KALRN: variants seen among roughly 807,000 people sequenced by gnomAD.
KALRN encodes the protein kalirin RhoGEF kinase, also known as kalirin.
A neutral mutation model predicts 353.7 loss-of-function variants in KALRN; 70 were observed. The ratio of observed to expected loss-of-function variants is 0.20; its 90% confidence interval spans 0.16 to 0.24. KALRN has a LOEUF of 0.24. Ranked by LOEUF, KALRN falls within the 10% of genes least tolerant of loss-of-function variation. The pLI, the probability that KALRN is intolerant of heterozygous loss-of-function variation, is 1.00. For synonymous variants in KALRN, 1,391 were observed against 1,434.8 expected, an observed-to-expected ratio of 0.97 and a Z score of 0.69; for missense variants, 2,791 against 3,756.7, an observed-to-expected ratio of 0.74 and a Z score of 6.72.
At chr3:124,279,308 T>G (rs1276849024) in intron 5 of KALRN, among the ~76,000 whole-genome samples, 1 of 152,210 alleles carries the variant, frequency 6.6e-6, no homozygotes, top group Non-Finnish European at 1.5e-5. Flanking sequence ...GATTATTGTA[T>G]GAGTTAAAGA....
At chr3:124,495,440 T>C (rs2108515142) in intron 32 of KALRN, among the ~76,000 whole-genome samples, 1 of 152,048 alleles carries the variant, frequency 6.6e-6, no homozygotes, top group Middle Eastern at 3.4e-3. Flanking sequence ...AAACTCAAGT[T>C]TAAAAGAAAT....
At chr3:124,418,242 T>C (rs1487893272) in intron 14 of KALRN, among the ~76,000 whole-genome samples, 2 of 152,150 alleles carry the variant, frequency 1.3e-5, no homozygotes, top group Non-Finnish European at 2.9e-5. Flanking sequence ...GAAACCTTGA[T>C]GTAGAACAAT....
chr3:124,159,322 G>T (rs1326577219), intron 1 of KALRN, among the ~76,000 whole-genome samples: 1 of 152,162 alleles, frequency 6.6e-6, no homozygotes, highest in Non-Finnish European at 1.5e-5. Flanking sequence ...TCAAGCTGGA[G>T]TGCAGTGGTG....
At chr3:124,468,345 G>C (rs186299022) in intron 25 of KALRN, among the ~76,000 whole-genome samples, 26 of 152,194 alleles carry the variant, frequency 1.7e-4, no homozygotes, top group Admixed American at 9.2e-4. Flanking sequence ...GAAACACAAG[G>C]GGGGGGTTGA....
intron 33 of KALRN, chr3:124,519,586 A>G (rs2066991651): frequency 1.0e-6 from 1 of 985,400 alleles, no homozygotes; most frequent in South Asian, 4.7e-5. Flanking sequence ...GGATCCTTAA[A>G]AAAGTTTACA....
chr3:124,571,459 T>C (rs1532668), intron 34 of KALRN, among the ~76,000 whole-genome samples: 57,325 of 152,106 alleles, frequency 0.38, 11,422 homozygotes, highest in African/African-American at 0.51. Context: ...AAGTGCCTTC[T>C]ACTCTGAGAC....
intron 34 of KALRN, among the ~76,000 whole-genome samples, chr3:124,597,955 T>G (rs547708469): frequency 2.6e-5 from 4 of 152,316 alleles, no homozygotes; most frequent in Non-Finnish European, 1.5e-5. Context: ...CCTGCCCTTA[T>G]GTTTGGAGGA....
At chr3:124,078,873 T>C (rs1434555914) in intron 1 of KALRN, among the ~76,000 whole-genome samples, 1 of 152,086 alleles carries the variant, frequency 6.6e-6, no homozygotes, top group Non-Finnish European at 1.5e-5. Flanking sequence ...GGGACAAGGG[T>C]TGTTGATTGT....
chr3:124,258,626 T>C lies in KALRN; in HGVS notation c.264-5872T>C, dbSNP rs184348856. Among the ~76,000 whole-genome samples the C allele has an allele frequency of 9.2e-5, 14 of 152,346 alleles. No individual in the cohort carries two copies. In the East Asian group the frequency reaches 2.7e-3, roughly 29 times the overall value. On this transcript the variant is annotated intron_variant, in intron 3 of 59. Transcript: ENST00000682506. ...TTGTGTGCACATCAGCTACCACCCA[T>C]TCGGGGATCTATTCATTCAGCAAAT...
rs1427887159 is a variant in KALRN, at chr3:124,667,415, T to C, written c.6703+232T>C. Among the ~76,000 whole-genome samples the C allele has an allele frequency of 3.3e-5, 5 of 152,348 alleles. No homozygotes were observed. In the East Asian group the frequency reaches 7.7e-4, roughly 23 times the overall value. The stretch of plus-strand genomic sequence containing the variant: ...TTTCTGATAGAAGAGATTTCACTTA[T>C]AGGACACAGGATATATGTCTTGTGG... On this transcript the variant is annotated intron_variant, in intron 47 of 59. Coordinates refer to ENST00000682506, the MANE Select transcript of KALRN (RefSeq NM_001388419.1).
intron 59 of KALRN, among the ~76,000 whole-genome samples, chr3:124,718,311 T>C (rs1042265316): frequency 2.0e-5 from 3 of 151,480 alleles, no homozygotes; most frequent in Non-Finnish European, 4.4e-5. Context: ...TTAGTAGAGA[T>C]GGGGTTTCAA....
intron 57 of KALRN, among the ~76,000 whole-genome samples, chr3:124,709,453 T>A (rs534742790): frequency 1.3e-4 from 20 of 152,222 alleles, no homozygotes; most frequent in South Asian, 4.1e-4. Flanking sequence ...AATTTTTGTA[T>A]ATTTAGTAGA....
chr3:124,164,080 C>T (rs768077928), intron 1 of KALRN: 5 of 652,346 alleles, frequency 7.7e-6, no homozygotes, highest in Non-Finnish European at 9.5e-6. Flanking sequence ...CCAGATTGGA[C>T]AGTGACCTTG....
intron 3 of KALRN, among the ~76,000 whole-genome samples, chr3:124,238,772 G>A (rs2080093518): frequency 6.6e-6 from 1 of 152,182 alleles, no homozygotes; most frequent in African/African-American, 2.4e-5. Flanking sequence ...GGGTGTAACA[G>A]CTTGGATCAG....
chr3:124,354,542 G>C (rs1050423155), intron 10 of KALRN, among the ~76,000 whole-genome samples: 1 of 152,100 alleles, frequency 6.6e-6, no homozygotes, highest in East Asian at 1.9e-4. Context: ...GATATATCAG[G>C]CTTTACATAG....
intron 34 of KALRN, among the ~76,000 whole-genome samples, chr3:124,603,098 G>C (rs7623070): frequency 3.3e-5 from 5 of 151,876 alleles, no homozygotes; most frequent in African/African-American, 9.7e-5. Flanking sequence ...ATTTGCATAT[G>C]TAAACCCTCT....
intron 34 of KALRN, among the ~76,000 whole-genome samples, chr3:124,564,192 G>A (rs1359929157): frequency 1.8e-5 from 2 of 113,470 alleles, no homozygotes; most frequent in Admixed American, 1.1e-4. Context: ...GCGACAGAGC[G>A]AAACTCCGTC....
intron 1 of KALRN, among the ~76,000 whole-genome samples, chr3:124,093,036 T>C (rs1046410439): frequency 1.3e-5 from 2 of 152,056 alleles, no homozygotes; most frequent in Non-Finnish European, 2.9e-5. Flanking sequence ...GCTTCTTGGG[T>C]GGTGATGTCT....
chr3:124,386,172 C>A (rs900526284), intron 11 of KALRN, among the ~76,000 whole-genome samples: 1 of 152,172 alleles, frequency 6.6e-6, no homozygotes, highest in African/African-American at 2.4e-5. Flanking sequence ...GCTGGATTTG[C>A]TTCCTCTCTG....
Sources: allele counts gnomAD v4.1 joint callset (sites outside exome capture counted in the v4.1 genomes callset), GRCh38; gene constraint gnomAD v4.1.1; transcripts MANE v1.5; gene names NCBI Gene and HGNC (gene_info 2026-07-23, HGNC 2026-07-21).